Variants in ENPEP observed in about 807,000 individuals in gnomAD.
ENPEP encodes glutamyl aminopeptidase, also known as AP-A.
A neutral mutation model predicts 114.5 loss-of-function variants in ENPEP; 103 were observed. That is an observed-to-expected ratio of 0.90 (90% CI 0.77 to 1.06). The LOEUF (loss-of-function observed/expected upper bound fraction) is 1.06. ENPEP is among the 50% of genes least tolerant of loss of function. ENPEP has a pLI of 0.00. For synonymous variants in ENPEP, 420 were observed against 422.0 expected, an observed-to-expected ratio of 1.00 and a Z score of 0.06; for missense variants, 1,196 against 1,161.3, an observed-to-expected ratio of 1.03 and a Z score of -0.43.
intron 17 of ENPEP, 98 bp downstream of exon 17, chr4:110,549,984 C>T: frequency 8.5e-7 from 1 of 1,179,084 alleles, no homozygotes; most frequent in South Asian, 1.8e-5. Context: ...GTTTTGTTTC[C>T]AAAAAAATCC....
intron 6 of ENPEP, among the ~76,000 whole-genome samples, chr4:110,511,387 A>T (rs1292803377): frequency 6.6e-6 from 1 of 152,112 alleles, no homozygotes; most frequent in Non-Finnish European, 1.5e-5. Context: ...AAATGCCAGT[A>T]ACCTGCCAGC....
At chr4:110,485,537 A>T (rs1249154733) in intron 1 of ENPEP, among the ~76,000 whole-genome samples, 4 of 152,200 alleles carry the variant, frequency 2.6e-5, no homozygotes, top group Non-Finnish European at 5.9e-5. Context: ...GAAATTTAAC[A>T]TTAATACAAC....
chr4:110,515,510 A>C, intron 8 of ENPEP, 68 bp downstream of exon 8: 1 of 1,233,480 alleles, frequency 8.1e-7, no homozygotes, highest in Non-Finnish European at 1.2e-6. Context: ...GAATGTTAAG[A>C]TATGTGATTA....
intron 11 of ENPEP, among the ~76,000 whole-genome samples, chr4:110,538,122 A>G (rs572535561): frequency 6.6e-6 from 1 of 152,332 alleles, no homozygotes; most frequent in South Asian, 2.1e-4. Flanking sequence ...TACCAGCTGC[A>G]TCCACCCCTA....
chr4:110,563,877 G>C lies in ENPEP; in HGVS notation c.*2319G>C, dbSNP rs1480433293. On this transcript the variant is annotated 3_prime_UTR_variant, in exon 20 of 20. Coordinates refer to ENST00000265162, the MANE Select transcript of ENPEP (RefSeq NM_001977.4). Reference sequence around the variant, plus strand: ...GGCAAGGGAGGTTTGGGAAACAGGGGTGAGATGTATACCTGGGTTGAAGGT... The same window carrying C: ...GGCAAGGGAGGTTTGGGAAACAGGGCTGAGATGTATACCTGGGTTGAAGGT... The C allele has an allele frequency of 6.6e-6, 1 of 152,144 alleles. No individual in the cohort carries two copies. The highest frequency in any genetic ancestry group is 1.9e-4 in the East Asian group (1 of 5,198). The allele number at this position is 152,144 out of a possible 1,614,324, so 9.4% of individuals were successfully genotyped here.
At chr4:110,496,538 T>C (rs1165316179) in intron 3 of ENPEP, among the ~76,000 whole-genome samples, 1 of 152,208 alleles carries the variant, frequency 6.6e-6, no homozygotes, top group African/African-American at 2.4e-5. Context: ...TCACCAGTTT[T>C]TTCACTAATG....
chr4:110,560,792 T>G (rs550615346), intron 19 of ENPEP, among the ~76,000 whole-genome samples: 4 of 152,326 alleles, frequency 2.6e-5, no homozygotes, highest in Admixed American at 2.6e-4. Context: ...TCTATTAATG[T>G]TGAACAGGTA....
intron 1 of ENPEP, among the ~76,000 whole-genome samples, chr4:110,483,401 C>T (rs1156349300): frequency 6.6e-6 from 1 of 152,128 alleles, no homozygotes; most frequent in Non-Finnish European, 1.5e-5. Flanking sequence ...TTGCTCAGCA[C>T]AGCCAGAGAG....
chr4:110,500,194 T>C (rs930654251), intron 3 of ENPEP: 1 of 151,964 alleles, frequency 6.6e-6, no homozygotes, highest in East Asian at 1.9e-4. Flanking sequence ...TCTCATGGAC[T>C]TAAGTTCTAT....
chr4:110,517,225 C>CCA (rs1231334156), intron 8 of ENPEP, among the ~76,000 whole-genome samples: 1 of 152,168 alleles, frequency 6.6e-6, no homozygotes, highest in Non-Finnish European at 1.5e-5. Flanking sequence ...CAGCCATGAA[C>CCA]CACTGTGCCC....
Position 110,548,763 on chromosome 4 carries a change from G to A in ENPEP, c.2151+437G>A, listed in dbSNP as rs576993180. Among the ~76,000 whole-genome samples, 24 of 151,876 alleles carry A rather than the reference G, an allele frequency of 1.6e-4. No homozygotes were observed. In the South Asian group the frequency reaches 4.2e-3, roughly 26 times the overall value. The stretch of plus-strand genomic sequence containing the variant: ...ATCATATGTAGTCATTCTAAATACC[G>A]TTTCTTTGCTTTGTGATTTCTGTAG... On this transcript the variant is annotated intron_variant, in intron 14 of 19. Transcript: ENST00000265162.
chr4:110,518,814 T>C (rs1725876644), intron 8 of ENPEP, among the ~76,000 whole-genome samples: 2 of 152,192 alleles, frequency 1.3e-5, no homozygotes, highest in South Asian at 4.1e-4. Flanking sequence ...AGTTCCACGA[T>C]TGCATGGTTC....
At position 110,509,784 on chromosome 4, in the gene ENPEP, GT is replaced by G; in HGVS notation, c.1173del (p.Ala392ProfsTer13). The G allele has an allele frequency of 6.2e-7, 1 of 1,613,824 alleles. No individual in the cohort carries two copies. The highest frequency in any genetic ancestry group is 1.7e-5 in the Admixed American group (1 of 59,926). Reference sequence around the variant, plus strand: ...AAACCAACAGAGGGTGGCCACTGTGGTTGCCCATGAACTTGTGCATCAGGTA... The same window carrying G: ...AAACCAACAGAGGGTGGCCACTGTGGTGCCCATGAACTTGTGCATCAGGTA... ...SSNQQRVATVVAHELVHQWFG... is the reference protein window; with the variant it reads ...SSNQQRVATVXAHELVHQWFG... On this transcript the variant is annotated frameshift_variant, in exon 5 of 20. Coordinates refer to ENST00000265162, the MANE Select transcript of ENPEP (RefSeq NM_001977.4). LOFTEE classifies it high-confidence loss of function.
intron 7 of ENPEP, among the ~76,000 whole-genome samples, chr4:110,514,281 T>TA (rs137965923): frequency 0.017 from 2,660 of 152,184 alleles, 70 homozygotes; most frequent in African/African-American, 0.06. Context: ...TCCTGAGTAA[T>TA]ACCTAAAGTC....
At chr4:110,511,600 A>G (rs1395568454) in intron 6 of ENPEP, among the ~76,000 whole-genome samples, 3 of 152,216 alleles carry the variant, frequency 2.0e-5, no homozygotes, top group Non-Finnish European at 1.5e-5. Flanking sequence ...GCAAACTGTT[A>G]TAAGAAATTA....
Position 110,506,758 on chromosome 4 carries a change from G to A in ENPEP, c.1039+1G>A, listed in dbSNP as rs764706508. 2.6e-6 allele frequency: 4 copies of A among 1,541,016 alleles called. No individual in the cohort carries two copies. The South Asian group carries it at 4.8e-5, about 19-fold the overall frequency. The stretch of plus-strand genomic sequence containing the variant: ...ATGAATTATTCTCTTCCTAAATTAG[G>A]TGAGGATCATTTTTTAATTTTCTTA... On this transcript the variant is annotated splice_donor_variant, in intron 4 of 19. Coordinates refer to ENST00000265162, the MANE Select transcript of ENPEP (RefSeq NM_001977.4). LOFTEE classifies it high-confidence loss of function.
chr4:110,484,770 T>TA (rs1553916351), intron 1 of ENPEP, among the ~76,000 whole-genome samples: 2 of 142,662 alleles, frequency 1.4e-5, no homozygotes, highest in Non-Finnish European at 3.0e-5. Flanking sequence ...ATATATTATA[T>TA]TATATATATA....
At chr4:110,552,283 G>A (rs970075323) in intron 17 of ENPEP, among the ~76,000 whole-genome samples, 1 of 152,128 alleles carries the variant, frequency 6.6e-6, no homozygotes, top group African/African-American at 2.4e-5. Flanking sequence ...AAGGGGTTGT[G>A]TTTTCCAGTT....
chr4:110,562,647 C>G lies in ENPEP; in HGVS notation c.*1089C>G, dbSNP rs550097047. On this transcript the variant is annotated 3_prime_UTR_variant, in exon 20 of 20. Coordinates refer to ENST00000265162, the MANE Select transcript of ENPEP (RefSeq NM_001977.4). ...AGATCCTAATCCATACAGAATAGCA[C>G]TGATCAAATTTAAATGCATGACTTG... The G allele has an allele frequency of 3.3e-5, 5 of 152,122 alleles. No individual in the cohort carries two copies. The highest frequency in any genetic ancestry group is 6.6e-5 in the Admixed American group (1 of 15,266). The allele number at this position is 152,122 out of a possible 1,614,324, so 9.4% of individuals were successfully genotyped here. A position where few individuals can be genotyped will look rare whatever the true frequency, so the allele number is the denominator to read the frequency against.
Sources: allele counts gnomAD v4.1 joint callset (sites outside exome capture counted in the v4.1 genomes callset), GRCh38; gene constraint gnomAD v4.1.1; transcripts MANE v1.5; gene names NCBI Gene and HGNC (gene_info 2026-07-23, HGNC 2026-07-21).